Variants in ANKRD6 observed in about 807,000 individuals in gnomAD.
ANKRD6 encodes ankyrin repeat domain 6.
In ANKRD6, 56 loss-of-function variants were observed where a neutral mutation model predicts 82.3. The observed-to-expected ratio is 0.68, with a 90% CI of 0.55 to 0.85. The LOEUF (loss-of-function observed/expected upper bound fraction) is 0.85. Ranked by LOEUF, ANKRD6 falls within the 40% of genes least tolerant of loss-of-function variation. ANKRD6 has a pLI of 0.00. For synonymous variants in ANKRD6, 347 were observed against 352.1 expected, an observed-to-expected ratio of 0.99 and a Z score of 0.16; for missense variants, 852 against 907.6, an observed-to-expected ratio of 0.94 and a Z score of 0.79.
chr6:89,515,609 C>A (rs1442974966), intron 1 of ANKRD6, among the ~76,000 whole-genome samples: 1 of 152,158 alleles, frequency 6.6e-6, no homozygotes, highest in Non-Finnish European at 1.5e-5. Context: ...CCTTATGTGG[C>A]CCCCCAAAAT....
chr6:89,507,662 G>A (rs1780035181), intron 1 of ANKRD6, among the ~76,000 whole-genome samples: 1 of 152,174 alleles, frequency 6.6e-6, no homozygotes, highest in Non-Finnish European at 1.5e-5. Context: ...TCATTCATGG[G>A]ATTCCTGAGA....
chr6:89,527,601 C>CAAAAAAAAAAAA (rs35855223), intron 1 of ANKRD6, among the ~76,000 whole-genome samples: 98 of 45,396 alleles, frequency 2.2e-3, no homozygotes, highest in East Asian at 9.0e-3. Flanking sequence ...GACTCCGTCT[C>CAAAAAAAAAAAA]AAAAAAAAAA....
At chr6:89,604,046 G>T (rs944498389) in intron 4 of ANKRD6, among the ~76,000 whole-genome samples, 1 of 152,170 alleles carries the variant, frequency 6.6e-6, no homozygotes, top group African/African-American at 2.4e-5. Context: ...AGCAAAATTG[G>T]CCAGGCGCAG....
At chr6:89,452,063 C>T (rs899792065) in intron 1 of ANKRD6, among the ~76,000 whole-genome samples, 23 of 152,082 alleles carry the variant, frequency 1.5e-4, no homozygotes, top group African/African-American at 5.3e-4. Context: ...GTGTGGTATT[C>T]CCAGCTACTT....
At chr6:89,480,604 TCA>T in intron 1 of ANKRD6, among the ~76,000 whole-genome samples, 1 of 150,650 alleles carries the variant, frequency 6.6e-6, no homozygotes, top group East Asian at 1.9e-4. Context: ...GATATCCTCC[TCA>T]CTAATTACTT....
intron 1 of ANKRD6, among the ~76,000 whole-genome samples, chr6:89,435,217 G>GAC (rs1770481936): frequency 1.3e-5 from 2 of 152,234 alleles, no homozygotes; most frequent in African/African-American, 4.8e-5. Flanking sequence ...CATACACTCA[G>GAC]ACAGTATAAA....
chr6:89,544,445 G>T (rs367746050), intron 1 of ANKRD6, among the ~76,000 whole-genome samples: 11 of 152,336 alleles, frequency 7.2e-5, no homozygotes, highest in African/African-American at 2.2e-4. Context: ...TCCGGGCACA[G>T]TGGCTCACGC....
intron 1 of ANKRD6, among the ~76,000 whole-genome samples, chr6:89,443,835 C>A (rs966277295): frequency 3.9e-5 from 6 of 152,200 alleles, no homozygotes; most frequent in African/African-American, 1.4e-4. Flanking sequence ...GGGGAATGCC[C>A]AATGGCATTA....
chr6:89,550,093 A>AAAAG lies in ANKRD6; in HGVS notation c.-143-16721_-143-16718dup, dbSNP rs573940233. Among the ~76,000 whole-genome samples the AAAAG allele has an allele frequency of 4.0e-3, 612 of 152,118 alleles. 2 individuals are homozygous for AAAAG. Among genetic ancestry groups the AAAAG allele is most frequent in the African/African-American group, 0.013 (541 of 41,490 alleles). On this transcript the variant is annotated intron_variant, in intron 1 of 15. Transcript: ENST00000339746. ...CCTGAGCAATGAGATTCAGTCTTTA[A>AAAAG]AAAGAAAGAAAGAAAGAAAGAAACC...
intron 2 of ANKRD6, among the ~76,000 whole-genome samples, chr6:89,587,358 G>A (rs1201499833): frequency 6.6e-6 from 1 of 151,830 alleles, no homozygotes; most frequent in Non-Finnish European, 1.5e-5. Context: ...GAGTGGTGGC[G>A]CATGCCTGTA....
Position 89,612,267 on chromosome 6 carries a change from C to T in ANKRD6, c.418-5C>T, listed in dbSNP as rs1470770239. On this transcript the variant is annotated splice_polypyrimidine_tract_variant and splice_region_variant and intron_variant, in intron 5 of 15. Transcript: ENST00000339746. ...ATGTCCTCCCTCTCTCTGCCTCTCTCCAAGGCGGGGAACACAGCTCTGCAC... is the reference window on the plus strand; with the variant it reads ...ATGTCCTCCCTCTCTCTGCCTCTCTTCAAGGCGGGGAACACAGCTCTGCAC... 3.2e-6 allele frequency: 5 copies of T among 1,555,342 alleles called. No homozygotes were observed. The highest frequency in any genetic ancestry group is 4.4e-6 in the Non-Finnish European group (5 of 1,148,758).
rs929176459 is a variant in ANKRD6, at chr6:89,467,068, G to A, written c.-144+33693G>A. On this transcript the variant is annotated intron_variant, in intron 1 of 15. Transcript: ENST00000339746. ...ACAAGATTTTTTTCAAGCAAGCTGG[G>A]TGCAGTGGCATGTGCCGTAGTCTAG... Among the ~76,000 whole-genome samples, 6 of 152,162 alleles carry A rather than the reference G, an allele frequency of 3.9e-5. No homozygotes were observed. The South Asian group carries it at 1.2e-3, about 32-fold the overall frequency.
intron 1 of ANKRD6, among the ~76,000 whole-genome samples, chr6:89,555,849 A>G (rs1786522647): frequency 6.6e-6 from 1 of 152,096 alleles, no homozygotes; most frequent in Non-Finnish European, 1.5e-5. Context: ...GAGAAACACA[A>G]TCACATTTGT....
intron 1 of ANKRD6, among the ~76,000 whole-genome samples, chr6:89,485,285 G>T (rs775361212): frequency 6.6e-6 from 1 of 152,186 alleles, no homozygotes; most frequent in Non-Finnish European, 1.5e-5. Context: ...AGCATTGAAC[G>T]CTATGTTTTC....
At chr6:89,597,282 C>T (rs1000045113) in intron 3 of ANKRD6, among the ~76,000 whole-genome samples, 7 of 152,170 alleles carry the variant, frequency 4.6e-5, no homozygotes, top group African/African-American at 1.4e-4. Flanking sequence ...TATTTTCCTG[C>T]ACTATGGTCA....
At chr6:89,467,162 C>T (rs1309085171) in intron 1 of ANKRD6, among the ~76,000 whole-genome samples, 2 of 150,834 alleles carry the variant, frequency 1.3e-5, no homozygotes, top group East Asian at 1.9e-4. Context: ...GGCAACATAG[C>T]GAGACCCTGT....
chr6:89,482,589 C>G (rs909551355), intron 1 of ANKRD6, among the ~76,000 whole-genome samples: 2 of 152,182 alleles, frequency 1.3e-5, no homozygotes, highest in Middle Eastern at 3.2e-3. Context: ...ACCCTCTCCC[C>G]AGTCCTGCAG....
chr6:89,598,115 A>AAT, intron 3 of ANKRD6: 1 of 985,408 alleles, frequency 1.0e-6, no homozygotes, highest in Non-Finnish European at 1.2e-6. Context: ...ATGGCATGGT[A>AAT]AGAACTGAGA....
chr6:89,480,158 A>G (rs1776617395), intron 1 of ANKRD6, among the ~76,000 whole-genome samples: 1 of 152,148 alleles, frequency 6.6e-6, no homozygotes, highest in Non-Finnish European at 1.5e-5. Flanking sequence ...GCCTCTGTTC[A>G]TACTCTCCTA....
Sources: allele counts gnomAD v4.1 joint callset (sites outside exome capture counted in the v4.1 genomes callset), GRCh38; gene constraint gnomAD v4.1.1; transcripts MANE v1.5; gene names NCBI Gene and HGNC (gene_info 2026-07-23, HGNC 2026-07-21).